Variants in TMEM108 observed in about 807,000 individuals in gnomAD.
TMEM108 encodes the protein cancer/testis antigen 124.
Under a neutral mutation model 35.1 loss-of-function variants are expected in TMEM108, and 12 were observed. The observed-to-expected ratio is 0.34, with a 90% confidence interval of 0.22 to 0.55. The LOEUF is 0.55. Ranked by LOEUF, TMEM108 falls within the 20% of genes least tolerant of loss-of-function variation. TMEM108 has a pLI of 0.89. For missense variants in TMEM108, 680 were observed against 753.3 expected (o/e 0.90, Z 1.14); for synonymous variants, 287 against 308.6 (o/e 0.93, Z 0.73).
chr3:133,245,394 T>C (rs1576408099), intron 3 of TMEM108, among the ~76,000 whole-genome samples: 1 of 152,220 alleles, frequency 6.6e-6, no homozygotes, highest in Non-Finnish European at 1.5e-5. Context: ...CTTTGACCAG[T>C]TGTTTGTCCC....
At chr3:133,392,369 G>T (rs1207941297) in intron 5 of TMEM108, among the ~76,000 whole-genome samples, 15 of 151,942 alleles carry the variant, frequency 9.9e-5, no homozygotes, top group Non-Finnish European at 1.5e-5. Flanking sequence ...CGCTATGTTG[G>T]CCAGGCTGGT....
chr3:133,390,362 C>T lies in TMEM108; in HGVS notation c.1605+28C>T, dbSNP rs201783200. The T allele has an allele frequency of 1.7e-5, 28 of 1,611,534 alleles. No homozygotes were observed. In the African/African-American group the frequency reaches 2.4e-4, roughly 14 times the overall value. ...AATGAGCTTGAAAGTGCTGGCCCCA[C>T]TGCAGGGAAACCAGGTCCAAAGAGA... is the stretch of plus-strand genomic sequence containing the variant. On this transcript the variant is annotated intron_variant, in intron 5 of 5. Coordinates refer to ENST00000321871, the MANE Select transcript of TMEM108 (RefSeq NM_023943.4).
chr3:133,210,730 G>A (rs993923708), intron 2 of TMEM108, among the ~76,000 whole-genome samples: 1 of 152,188 alleles, frequency 6.6e-6, no homozygotes, highest in African/African-American at 2.4e-5. Flanking sequence ...GTGGGACTAA[G>A]CATTCCTGCA....
At chr3:133,251,554 A>C in intron 3 of TMEM108, among the ~76,000 whole-genome samples, 1 of 152,330 alleles carries the variant, frequency 6.6e-6, no homozygotes, top group South Asian at 2.1e-4. Flanking sequence ...GGTTTCCTCC[A>C]AGATGTAATC....
intron 2 of TMEM108, among the ~76,000 whole-genome samples, chr3:133,083,035 C>A (rs1943833349): frequency 6.6e-6 from 1 of 152,062 alleles, no homozygotes; most frequent in Admixed American, 6.6e-5. Flanking sequence ...TGCAATTTTA[C>A]AGTACAAGAA....
chr3:133,119,107 C>T (rs868425256), intron 2 of TMEM108: 1 of 152,120 alleles, frequency 6.6e-6, no homozygotes, highest in Non-Finnish European at 1.5e-5. Context: ...TGGCTGGAAA[C>T]GGCATTTTCG....
chr3:133,354,600 T>TGA (rs1433996339), intron 3 of TMEM108, among the ~76,000 whole-genome samples: 1 of 152,116 alleles, frequency 6.6e-6, no homozygotes, highest in Non-Finnish European at 1.5e-5. Flanking sequence ...ACCTTATCCT[T>TGA]GAGCAGGAGA....
Position 133,346,940 on chromosome 3 carries a change from CA to C in TMEM108, c.41-32811del, listed in dbSNP as rs1344343801. ...TTGCCTTAGCTCCTTTGTCAAAGAT[CA>C]GTTGACTTTATTTGCGTGAGTCTGT... is the stretch of plus-strand genomic sequence containing the variant. On this transcript the variant is annotated intron_variant, in intron 3 of 5. Transcript: ENST00000321871. The surrounding 1 kb of genome is among the most constrained non-coding windows in gnomAD (Gnocchi z 4.0). 6.6e-6 allele frequency among the ~76,000 whole-genome samples: 1 copy of C among 152,072 alleles called. No individual in the cohort carries two copies. Among genetic ancestry groups the C allele is most frequent in the African/African-American group, 2.4e-5 (1 of 41,448 alleles).
chr3:133,085,299 C>T (rs545202207), intron 2 of TMEM108, among the ~76,000 whole-genome samples: 8 of 152,222 alleles, frequency 5.3e-5, no homozygotes, highest in African/African-American at 1.9e-4. Flanking sequence ...CTTATAGTCT[C>T]AAAAAACTGA....
At chr3:133,091,732 G>A (rs903426871) in intron 2 of TMEM108, among the ~76,000 whole-genome samples, 2 of 152,142 alleles carry the variant, frequency 1.3e-5, no homozygotes, top group Non-Finnish European at 2.9e-5. Context: ...CTAATCAAAC[G>A]AGGCTAGAAG....
At chr3:133,342,794 G>C (rs2071705045) in intron 3 of TMEM108, among the ~76,000 whole-genome samples, 1 of 150,654 alleles carries the variant, frequency 6.6e-6, no homozygotes, top group Middle Eastern at 3.4e-3. Context: ...GGAGAGGTTG[G>C]TTAAGGGATA....
chr3:133,114,252 T>A (rs998356748), intron 2 of TMEM108, among the ~76,000 whole-genome samples: 1 of 152,154 alleles, frequency 6.6e-6, no homozygotes, highest in African/African-American at 2.4e-5. Flanking sequence ...TATGATAGCA[T>A]CAATGTAAGC....
At chr3:133,210,616 C>G (rs144179982) in intron 2 of TMEM108, among the ~76,000 whole-genome samples, 58 of 152,246 alleles carry the variant, frequency 3.8e-4, no homozygotes, top group African/African-American at 1.3e-3. Flanking sequence ...GTAGAATTAT[C>G]AACATAATGA....
At chr3:133,332,088 A>ATG (rs2071402320) in intron 3 of TMEM108, among the ~76,000 whole-genome samples, 1 of 124,492 alleles carries the variant, frequency 8.0e-6, no homozygotes, top group Non-Finnish European at 1.7e-5. Context: ...ACGTGCACAC[A>ATG]CACACACACA....
intron 2 of TMEM108, among the ~76,000 whole-genome samples, chr3:133,163,808 T>A (rs1405760036): frequency 6.6e-6 from 1 of 152,146 alleles, no homozygotes; most frequent in Non-Finnish European, 1.5e-5. Context: ...AGCATCCTCC[T>A]CTTATTGTCA....
intron 3 of TMEM108, among the ~76,000 whole-genome samples, chr3:133,287,956 C>G (rs2107692891): frequency 6.6e-6 from 1 of 152,308 alleles, no homozygotes; most frequent in Non-Finnish European, 1.5e-5. Flanking sequence ...TCATCCCTTG[C>G]TCACTGGGAG....
Position 133,395,853 on chromosome 3 carries a change from T to C in TMEM108, c.1606-11T>C. The C allele has an allele frequency of 1.3e-6, 2 of 1,569,042 alleles. No individual in the cohort carries two copies. The highest frequency in any genetic ancestry group is 1.7e-6 in the Non-Finnish European group (2 of 1,159,604). ...TCCAGCTCACTCCATCTCCTCCCTC[T>C]CTCTTCCCAGGACCAGCTCTCAGAG... On this transcript the variant is annotated splice_polypyrimidine_tract_variant and intron_variant, in intron 5 of 5. Transcript: ENST00000321871.
intron 2 of TMEM108, among the ~76,000 whole-genome samples, chr3:133,094,844 A>G (rs115015339): frequency 0.017 from 2,512 of 152,000 alleles, 67 homozygotes; most frequent in African/African-American, 0.058. Context: ...CAGGGTATTT[A>G]TTACTTCCTC....
intron 2 of TMEM108, among the ~76,000 whole-genome samples, chr3:133,130,929 ACT>A (rs1467119089): frequency 3.3e-5 from 5 of 152,174 alleles, no homozygotes; most frequent in African/African-American, 4.8e-5. Context: ...AATTTATGAC[ACT>A]CTATCTACTG....
Sources: allele counts gnomAD v4.1 joint callset (sites outside exome capture counted in the v4.1 genomes callset), GRCh38; gene constraint gnomAD v4.1.1; non-coding constraint Gnocchi (gnomAD v3.1); transcripts MANE v1.5; gene names NCBI Gene and HGNC (gene_info 2026-07-23, HGNC 2026-07-21).